ADD1: variants seen among roughly 807,000 people sequenced by gnomAD.
The protein encoded by ADD1 is alpha-adducin.
In ADD1, 24 loss-of-function variants were observed where a neutral mutation model predicts 80.5. The observed-to-expected ratio is 0.30, with a 90% confidence interval of 0.22 to 0.42. The LOEUF is 0.42. Among genes scored for constraint, ADD1 ranks in the 10% least tolerant of loss-of-function variants. The pLI is 1.00. For missense variants in ADD1, 948 were observed against 1,019.0 expected (o/e 0.93, Z 0.95); for synonymous variants, 373 against 393.8 (o/e 0.95, Z 0.63).
chr4:2,922,829 C>A (rs1215662063), intron 14 of ADD1, among the ~76,000 whole-genome samples: 1 of 152,226 alleles, frequency 6.6e-6, no homozygotes, highest in Non-Finnish European at 1.5e-5. Flanking sequence ...TTCAGAGATG[C>A]CCCGCCCAGG....
intron 1 of ADD1, chr4:2,844,565 T>A (rs1349806963): frequency 6.6e-6 from 1 of 152,262 alleles, no homozygotes; most frequent in Non-Finnish European, 1.5e-5. Flanking sequence ...CCTCCCTCTC[T>A]TTTCTTTTTT....
chr4:2,856,300 T>C (rs1728053660), intron 1 of ADD1, among the ~76,000 whole-genome samples: 1 of 152,208 alleles, frequency 6.6e-6, no homozygotes, highest in Admixed American at 6.5e-5. Context: ...TTTTGTTGTT[T>C]CTGTTGGCAA....
At chr4:2,861,351 G>A (rs768458896) in intron 1 of ADD1, among the ~76,000 whole-genome samples, 4 of 152,170 alleles carry the variant, frequency 2.6e-5, no homozygotes, top group African/African-American at 4.8e-5. Flanking sequence ...GGGATTACAG[G>A]CATGAGCTAC....
chr4:2,848,744 T>TAGGA (rs1287977198), intron 1 of ADD1, among the ~76,000 whole-genome samples: 1 of 152,164 alleles, frequency 6.6e-6, no homozygotes, highest in Non-Finnish European at 1.5e-5. Context: ...CTGAATATGC[T>TAGGA]AGGATAACAG....
chr4:2,870,951 A>AAAC (rs1005852110), intron 1 of ADD1, among the ~76,000 whole-genome samples: 1 of 151,950 alleles, frequency 6.6e-6, no homozygotes, highest in Non-Finnish European at 1.5e-5. Context: ...TTTTTTTTGT[A>AAAC]AACAGATGAC....
chr4:2,908,439 G>C (rs928856679), intron 11 of ADD1, 76 bp from the exon 12 acceptor site: 101 of 1,335,424 alleles, frequency 7.6e-5, no homozygotes, highest in Non-Finnish European at 1.0e-4. Context: ...TGGGGCCCAA[G>C]TGCACAAGCA....
In ADD1 at chr4:2,926,733, T is replaced by C; in HGVS notation, c.2047+621T>C. 3 of 1,544,164 alleles carry C rather than the reference T, an allele frequency of 1.9e-6. No individual in the cohort carries two copies. The highest frequency in any genetic ancestry group is 2.7e-6 in the Non-Finnish European group (3 of 1,124,786). ...TGCCCTGCGCTTTGCCTCATTCTCC[T>C]GCTTCTTTGTTGTTTATTAAGTTTT... On this transcript the variant is annotated intron_variant, in intron 15 of 15. Transcript: ENST00000683351. This position sits in a 1 kb window ranked among gnomAD's most constrained non-coding sequence, Gnocchi z 5.0.
chr4:2,866,334 T>A (rs1464488208), intron 1 of ADD1, among the ~76,000 whole-genome samples: 2 of 152,090 alleles, frequency 1.3e-5, no homozygotes, highest in African/African-American at 4.8e-5. Context: ...ACCCAGCTAA[T>A]TTTTTGTGTG....
At position 2,926,294 on chromosome 4, in the gene ADD1, A is replaced by G. The variant is rs1560265492; in HGVS notation, c.2047+182A>G. 4 of 729,072 alleles carry G rather than the reference A, an allele frequency of 5.5e-6. No homozygotes were observed. The South Asian group carries it at 5.9e-5, about 11-fold the overall frequency. 45.2% of individuals were successfully genotyped at this position (729,072 alleles called of 1,614,324 possible). ...TCCTGGGTAACTCCAGGCAAAACAG[A>G]TTTGTATGTGAGCTGTGACCAGGTA... On this transcript the variant is annotated intron_variant, in intron 15 of 15. Transcript: ENST00000683351. The surrounding 1 kb of genome is among the most constrained non-coding windows in gnomAD (Gnocchi z 5.0).
rs201570559 is a variant in ADD1 at position 2,899,361 on chromosome 4, G to T, written c.1087G>T (p.Gly363Cys). The T allele has an allele frequency of 9.9e-5, 159 of 1,614,106 alleles. No homozygotes were observed. The highest frequency in any genetic ancestry group is 1.3e-4 in the Non-Finnish European group (150 of 1,180,040). ...SRSPGSPVGE[G>C]TGSPPKWQIG... ...TTCCCCAGGGTCTCCGGTAGGGGAA[G>T]GCACTGGATCGCCTCCCAAGTGGCA... Residue 363 changes from glycine (G) to cysteine (C), a missense_variant, in exon 9 of 16, where the codon GGC becomes TGC. Transcript: ENST00000683351.
rs752868581 is a variant in ADD1 at position 2,881,072 on chromosome 4, C to CTTTT, written c.196-806_196-803dup. Among the ~76,000 whole-genome samples, 207 of 89,330 alleles carry CTTTT rather than the reference C, an allele frequency of 2.3e-3. 3 individuals are homozygous for CTTTT. Among genetic ancestry groups the CTTTT allele is most frequent in the African/African-American group, 4.1e-3 (89 of 21,918 alleles). The allele number at this position is 89,330 out of a possible 152,430, so 58.6% of individuals were successfully genotyped here. The stretch of plus-strand genomic sequence containing the variant: ...TACAATGAACATTTTGATGTATTTA[C>CTTTT]TTTTTTTTTTTTTTTTTTTTTTTGA... On this transcript the variant is annotated intron_variant, in intron 2 of 15. Coordinates refer to ENST00000683351, the MANE Select transcript of ADD1 (RefSeq NM_001354761.2).
At chr4:2,858,879 G>C (rs566129036) in intron 1 of ADD1, among the ~76,000 whole-genome samples, 2 of 152,290 alleles carry the variant, frequency 1.3e-5, no homozygotes, top group East Asian at 1.9e-4. Context: ...GCCAGACATT[G>C]TGCTAGACAT....
In ADD1 at chr4:2,907,860, G is replaced by A. The variant is rs1379044889; in HGVS notation, c.1608+16G>A. On this transcript the variant is annotated intron_variant, in intron 11 of 15. Transcript: ENST00000683351. ...GAGGAACAAGGTGCGTCCTGCGTCG[G>A]CACTCAGCGGGGGCTTGGGTGTGGG... 2.5e-6 allele frequency: 4 copies of A among 1,603,612 alleles called. No homozygotes were observed. The South Asian group carries it at 4.4e-5, about 18-fold the overall frequency.
intron 1 of ADD1, among the ~76,000 whole-genome samples, chr4:2,850,277 G>T (rs1221125983): frequency 6.6e-6 from 1 of 152,180 alleles, no homozygotes; most frequent in Non-Finnish European, 1.5e-5. Flanking sequence ...TTTGTTTTTT[G>T]TTTTTTGTGA....
At chr4:2,855,654 A>G (rs1235911941) in intron 1 of ADD1, among the ~76,000 whole-genome samples, 4 of 151,530 alleles carry the variant, frequency 2.6e-5, no homozygotes, top group Non-Finnish European at 5.9e-5. Flanking sequence ...TTTCTTTTTA[A>G]AGAGACACAG....
At chr4:2,867,888 A>G (rs915835706) in intron 1 of ADD1, 21 of 152,208 alleles carry the variant, frequency 1.4e-4, no homozygotes, top group African/African-American at 5.1e-4. Flanking sequence ...TGGCTGCTTA[A>G]CTGTGTTGTG....
At chr4:2,898,063 C>A in intron 6 of ADD1, 121 bp from the exon 7 acceptor site, 1 of 1,309,396 alleles carries the variant, frequency 7.6e-7, no homozygotes, top group Non-Finnish European at 1.0e-6. Flanking sequence ...GATTGATTTT[C>A]AAGAAGAGGA....
At chr4:2,857,369 A>G (rs1256686231) in intron 1 of ADD1, among the ~76,000 whole-genome samples, 1 of 152,196 alleles carries the variant, frequency 6.6e-6, no homozygotes, top group Non-Finnish European at 1.5e-5. Flanking sequence ...CCAGCTACTC[A>G]AGAGGCTGAA....
At position 2,917,987 on chromosome 4, in the gene ADD1, G is replaced by A. The variant is rs192778099; in HGVS notation, c.1948+2947G>A. On this transcript the variant is annotated intron_variant, in intron 14 of 15. Transcript: ENST00000683351. ...CTACAGCTTTGTTCTTTTTGCTTAG[G>A]ATTGTCTTGGCCATACGGGCTCTTT... Among the ~76,000 whole-genome samples, 137 of 152,262 alleles carry A rather than the reference G, an allele frequency of 9.0e-4. 1 individual carries two copies. Among genetic ancestry groups the A allele is most frequent in the Admixed American group, 2.7e-3 (42 of 15,288 alleles).
Sources: allele counts gnomAD v4.1 joint callset (sites outside exome capture counted in the v4.1 genomes callset), GRCh38; gene constraint gnomAD v4.1.1; non-coding constraint Gnocchi (gnomAD v3.1); transcripts MANE v1.5; gene names NCBI Gene and HGNC (gene_info 2026-07-23, HGNC 2026-07-21).